The following SORCS3 variants were observed in gnomAD, a reference collection of about 807,000 sequenced individuals.
SORCS3 encodes sortilin related VPS10 domain containing receptor 3.
A neutral mutation model predicts 146.3 loss-of-function variants in SORCS3; 57 were observed. The observed-to-expected ratio is 0.39, with a 90% CI of 0.31 to 0.49. The LOEUF (loss-of-function observed/expected upper bound fraction) is 0.49. Ranked by LOEUF, SORCS3 falls within the 20% of genes least tolerant of loss-of-function variation. The pLI, the probability that SORCS3 is intolerant of heterozygous loss-of-function variation, is 0.92. For missense variants in SORCS3, 1,341 were observed against 1,575.5 expected (o/e 0.85, Z 2.52); for synonymous variants, 653 against 618.5 (o/e 1.06, Z -0.83).
At chr10:104,745,921 T>C (rs1486061376) in intron 1 of SORCS3, among the ~76,000 whole-genome samples, 1 of 152,178 alleles carries the variant, frequency 6.6e-6, no homozygotes, top group Non-Finnish European at 1.5e-5. Flanking sequence ...TCCTCTTTTT[T>C]AGGGCTGAAT....
chr10:105,229,093 GT>G (rs1371236312), intron 20 of SORCS3, among the ~76,000 whole-genome samples: 1 of 151,840 alleles, frequency 6.6e-6, no homozygotes, highest in Admixed American at 6.6e-5. Flanking sequence ...CCAAAAACCT[GT>G]TTTCGGGATC....
intron 1 of SORCS3, among the ~76,000 whole-genome samples, chr10:104,716,090 T>C (rs186879512): frequency 1.2e-3 from 176 of 152,354 alleles, no homozygotes; most frequent in African/African-American, 3.1e-3. Context: ...CTTGCTTCCT[T>C]AATTTCTTTA....
At chr10:104,659,335 C>T (rs1001704064) in intron 1 of SORCS3, among the ~76,000 whole-genome samples, 15 of 152,114 alleles carry the variant, frequency 9.9e-5, no homozygotes, top group South Asian at 8.3e-4. Context: ...TGTGGGCAAG[C>T]GAGATTGTAT....
chr10:105,095,503 C>T (rs2055739387), intron 6 of SORCS3, among the ~76,000 whole-genome samples: 1 of 152,072 alleles, frequency 6.6e-6, no homozygotes, highest in Non-Finnish European at 1.5e-5. Flanking sequence ...ACCGGACTTG[C>T]CAAGCCTGCC....
intron 5 of SORCS3, among the ~76,000 whole-genome samples, chr10:105,085,879 G>A (rs1196093023): frequency 6.6e-6 from 1 of 152,110 alleles, no homozygotes; most frequent in Non-Finnish European, 1.5e-5. Context: ...TGCATGAACT[G>A]TCTCTGTCTC....
At chr10:104,722,763 C>T (rs1349546447) in intron 1 of SORCS3, among the ~76,000 whole-genome samples, 1 of 152,182 alleles carries the variant, frequency 6.6e-6, no homozygotes, top group African/African-American at 2.4e-5. Flanking sequence ...GGTTTATTTG[C>T]ATAGAGGTGT....
intron 6 of SORCS3, among the ~76,000 whole-genome samples, chr10:105,090,773 C>T (rs1303776790): frequency 6.6e-6 from 1 of 152,052 alleles, no homozygotes; most frequent in Non-Finnish European, 1.5e-5. Context: ...GCCCGGAGCA[C>T]CTCCCAGGAT....
chr10:104,899,111 T>C (rs564269907), intron 2 of SORCS3, among the ~76,000 whole-genome samples: 5 of 152,324 alleles, frequency 3.3e-5, no homozygotes, highest in Non-Finnish European at 7.4e-5. Flanking sequence ...TGTTGATTGA[T>C]TTCTGGGCCA....
intron 1 of SORCS3, among the ~76,000 whole-genome samples, chr10:104,758,216 C>T (rs2077635): frequency 0.058 from 3,488 of 59,854 alleles, 150 homozygotes; most frequent in African/African-American, 0.21. Flanking sequence ...ATTAGGCCCT[C>T]GGTGTGTTTG....
chr10:104,675,885 A>C (rs2015907475), intron 1 of SORCS3, among the ~76,000 whole-genome samples: 1 of 152,200 alleles, frequency 6.6e-6, no homozygotes, highest in Non-Finnish European at 1.5e-5. Flanking sequence ...TCACTTGCCA[A>C]TTTCCACAAA....
intron 6 of SORCS3, among the ~76,000 whole-genome samples, chr10:105,091,895 G>A (rs146185222): frequency 1.8e-4 from 28 of 152,204 alleles, no homozygotes; most frequent in South Asian, 6.2e-4. Context: ...GACAACTCTC[G>A]CATGGGTTTT....
At chr10:104,883,217 A>G (rs1480073077) in intron 2 of SORCS3, among the ~76,000 whole-genome samples, 1 of 152,234 alleles carries the variant, frequency 6.6e-6, no homozygotes, top group Non-Finnish European at 1.5e-5. Flanking sequence ...TCTACAGGAA[A>G]GAGCTGCCTA....
chr10:104,724,114 C>T (rs1225428965), intron 1 of SORCS3, among the ~76,000 whole-genome samples: 8 of 152,158 alleles, frequency 5.3e-5, no homozygotes, highest in South Asian at 2.1e-4. Flanking sequence ...TGGCTGGTAC[C>T]GGTTGTTCCT....
At chr10:105,025,450 A>G (rs1362867421) in intron 4 of SORCS3, among the ~76,000 whole-genome samples, 2 of 152,120 alleles carry the variant, frequency 1.3e-5, no homozygotes, top group African/African-American at 4.8e-5. Context: ...AGGAGATTCT[A>G]GAAGCAATTT....
chr10:105,217,850 G>A (rs747200115), intron 19 of SORCS3: 26 of 453,886 alleles, frequency 5.7e-5, no homozygotes, highest in Non-Finnish European at 8.4e-5. Flanking sequence ...TTAGGATGTC[G>A]GGTCGAGGAA....
chr10:105,242,562 ATATATATT>A (rs1257100837), intron 20 of SORCS3, among the ~76,000 whole-genome samples: 28 of 44,098 alleles, frequency 6.3e-4, no homozygotes, highest in East Asian at 1.4e-3. Context: ...ATATACATTT[ATATATATT>A]TATATATTTA....
chr10:105,245,147 G>A (rs980510862), intron 20 of SORCS3, among the ~76,000 whole-genome samples: 1 of 151,778 alleles, frequency 6.6e-6, no homozygotes, highest in Non-Finnish European at 1.5e-5. Flanking sequence ...TCTCAGAAAG[G>A]TCTCATAATC....
intron 8 of SORCS3, among the ~76,000 whole-genome samples, chr10:105,144,600 G>T (rs1589654066): frequency 6.6e-6 from 1 of 152,158 alleles, no homozygotes; most frequent in East Asian, 1.9e-4. Context: ...ATTTATAATT[G>T]CTTTCCAAAT....
Position 104,813,977 on chromosome 10 carries a change from AG to A in SORCS3, c.628-28813del, listed in dbSNP as rs760346221. Among the ~76,000 whole-genome samples, 73 of 120,858 alleles carry A rather than the reference AG, an allele frequency of 6.0e-4. 2 individuals carry two copies. In the East Asian group the frequency reaches 0.015, roughly 25 times the overall value. 79.3% of individuals were successfully genotyped at this position (120,858 alleles called of 152,430 possible). A position where few individuals can be genotyped will look rare whatever the true frequency, so the allele number is the denominator to read the frequency against. ...GGGGTGTGGTCTTTAAGAATAGTTT[AG>A]GAAGACTTATGTTTTTTTCCCCCTA... On this transcript the variant is annotated intron_variant, in intron 1 of 26. Transcript: ENST00000369701.
Sources: allele counts gnomAD v4.1 joint callset (sites outside exome capture counted in the v4.1 genomes callset), GRCh38; gene constraint gnomAD v4.1.1; transcripts MANE v1.5; gene names NCBI Gene and HGNC (gene_info 2026-07-23, HGNC 2026-07-21).